MFSD11: variants seen among roughly 807,000 people sequenced by gnomAD.
MFSD11 encodes the protein major facilitator superfamily domain containing 11, also known as UNC93-like protein MFSD11.
A neutral mutation model predicts 53.5 loss-of-function variants in MFSD11; 36 were observed. The ratio of observed to expected loss-of-function variants is 0.67; its 90% CI spans 0.52 to 0.89. The LOEUF is 0.89. Ranked by LOEUF, MFSD11 falls within the 40% of genes least tolerant of loss-of-function variation. The pLI, the probability that MFSD11 is intolerant of heterozygous loss-of-function variation, is 0.00. For missense variants in MFSD11, 530 were observed against 543.9 expected, an observed-to-expected ratio of 0.97 and a Z score of 0.25; for synonymous variants, 186 against 184.9, an observed-to-expected ratio of 1.01 and a Z score of -0.05.
chr17:76,746,861 A>G (rs990161519), intron 7 of MFSD11, among the ~76,000 whole-genome samples: 1 of 152,124 alleles, frequency 6.6e-6, no homozygotes, highest in Non-Finnish European at 1.5e-5. Context: ...TGTTGTTTTC[A>G]TGCCTTCTAA....
At chr17:76,737,255 C>T, upstream of MFSD11, 1 of 1,439,566 alleles carries the variant, frequency 6.9e-7, no homozygotes, top group Non-Finnish European at 9.2e-7. Context: ...TTGCCTTCCG[C>T]GTGGGGACAC....
chr17:76,736,726 G>A (rs1036126519), upstream of MFSD11: 27 of 1,364,474 alleles, frequency 2.0e-5, no homozygotes, highest in East Asian at 3.8e-4. Context: ...GCTTCGCCGC[G>A]GACCTTTGTG....
chr17:76,740,822 C>A, intron 2 of MFSD11, 135 bp from the exon 3 acceptor site: 1 of 609,564 alleles, frequency 1.6e-6, no homozygotes, highest in African/African-American at 1.9e-5. Flanking sequence ...AATGATATAA[C>A]TATCATAAAT....
At chr17:76,760,171 G>A (rs749932075) in intron 8 of MFSD11, among the ~76,000 whole-genome samples, 10 of 151,662 alleles carry the variant, frequency 6.6e-5, no homozygotes, top group Non-Finnish European at 1.5e-4. Flanking sequence ...GGGAGGCTGA[G>A]GCAGGAGAAT....
At chr17:76,790,614 G>T in the MFSD11 span, among the ~76,000 whole-genome samples, 1 of 141,742 alleles carries the variant, frequency 7.1e-6, no homozygotes, top group East Asian at 2.3e-4. Context: ...CACCGTGCCC[G>T]GCCTAAAACT....
chr17:76,738,528 C>A, intron 1 of MFSD11, 80 bp downstream of exon 1: 1 of 976,598 alleles, frequency 1.0e-6, no homozygotes, highest in Non-Finnish European at 1.6e-6. Flanking sequence ...TTCATTATAT[C>A]TAATAGCGCG....
chr17:76,737,363 A>G (rs964073322), upstream of MFSD11: 1 of 598,418 alleles, frequency 1.7e-6, no homozygotes, highest in Non-Finnish European at 2.7e-6. Context: ...GCCCGTTTAT[A>G]TCGCTCCTCA....
In MFSD11 at chr17:76,775,046, TC is replaced by T. The variant is rs2081692513; in HGVS notation, c.926del (p.Pro309GlnfsTer12). On this transcript the variant is annotated frameshift_variant, in exon 11 of 13. Transcript: ENST00000685175. LOFTEE classifies it high-confidence loss of function. ...LSKNNRFGRN[P>X]VVLLGILVHF... is the part of the protein sequence containing the mutation. ...GCAAGAACAATCGTTTTGGTAGAAA[TC>T]CAGTTGTGCTGTTGGGCATCCTGGT... The T allele has an allele frequency of 6.2e-7, 1 of 1,613,976 alleles. No individual in the cohort carries two copies. The highest frequency in any genetic ancestry group is 8.5e-7 in the Non-Finnish European group (1 of 1,179,976).
upstream of MFSD11, chr17:76,737,274 G>A: frequency 1.4e-6 from 2 of 1,392,614 alleles, no homozygotes; most frequent in Non-Finnish European, 1.9e-6. Context: ...ACTGGGAAAG[G>A]CCTTGCCGCA....
chr17:76,737,365 C>T (rs1180785557), upstream of MFSD11: 8 of 589,824 alleles, frequency 1.4e-5, no homozygotes, highest in Non-Finnish European at 1.9e-5. Context: ...CCGTTTATAT[C>T]GCTCCTCACA....
chr17:76,737,392 A>T (rs2077572214), upstream of MFSD11: 2 of 487,506 alleles, frequency 4.1e-6, no homozygotes, highest in Non-Finnish European at 7.1e-6. Flanking sequence ...CGCCCGCGCC[A>T]CCCGGAAATG....
At chr17:76,773,782 A>AT (rs1171475148) in intron 10 of MFSD11, among the ~76,000 whole-genome samples, 1 of 151,786 alleles carries the variant, frequency 6.6e-6, no homozygotes, top group Non-Finnish European at 1.5e-5. Context: ...TAATTTTTGT[A>AT]TTTTTAGTAG....
intron 7 of MFSD11, among the ~76,000 whole-genome samples, chr17:76,745,099 T>C (rs1378837447): frequency 6.6e-6 from 1 of 152,236 alleles, no homozygotes; most frequent in Admixed American, 6.5e-5. Flanking sequence ...TGATCTGCAG[T>C]ATCATTTAGA....
intron 10 of MFSD11, among the ~76,000 whole-genome samples, chr17:76,772,580 C>T (rs1269937077): frequency 6.8e-6 from 1 of 146,510 alleles, no homozygotes; most frequent in Non-Finnish European, 1.5e-5. Context: ...TGCAGTGGCT[C>T]GATCTTGGCT....
At chr17:76,803,381 C>A in the MFSD11 span, among the ~76,000 whole-genome samples, 2 of 152,146 alleles carry the variant, frequency 1.3e-5, no homozygotes, top group Non-Finnish European at 2.9e-5. Context: ...AGCCCTTTAC[C>A]AAAACAAAGT....
chr17:76,746,382 A>C lies in MFSD11; in HGVS notation c.641+1916A>C, dbSNP rs2078543121. ...GTGAAACAGCAAGTGCTGCTGGAGA[A>C]GCTGCAGCAAGTTATCCAGAAGATC... On this transcript the variant is annotated intron_variant, in intron 7 of 12. Transcript: ENST00000685175. Among the ~76,000 whole-genome samples the C allele has an allele frequency of 2.0e-5, 3 of 152,268 alleles. No homozygotes were observed. The South Asian group carries it at 6.2e-4, about 31-fold the overall frequency.
intron 8 of MFSD11, among the ~76,000 whole-genome samples, chr17:76,759,351 C>G (rs1382556784): frequency 6.6e-6 from 1 of 152,010 alleles, no homozygotes; most frequent in African/African-American, 2.4e-5. Flanking sequence ...GGTTCTATCT[C>G]AGCTCACTAC....
At chr17:76,791,327 C>G in the MFSD11 span, among the ~76,000 whole-genome samples, 4 of 149,194 alleles carry the variant, frequency 2.7e-5, no homozygotes, top group African/African-American at 1.0e-4. Flanking sequence ...GGTCCTCTTT[C>G]TTTTACTTCC....
rs761949788 is a variant in MFSD11, at chr17:76,738,934, A to G, written c.97-4A>G. 8 of 1,613,846 alleles carry G rather than the reference A, an allele frequency of 5.0e-6. No individual in the cohort carries two copies. The highest frequency in any genetic ancestry group is 6.8e-6 in the Non-Finnish European group (8 of 1,179,688). ...TTCGTTGATTAGTTTTATCTTCCAC[A>G]CAGCAAACTGTCATCAGGAGCTTAA... On this transcript the variant is annotated splice_region_variant and splice_polypyrimidine_tract_variant and intron_variant, in intron 1 of 12. Coordinates refer to ENST00000685175, the MANE Select transcript of MFSD11 (RefSeq NM_001242532.5).
Sources: gnomAD v4.1 joint callset for allele counts (sites outside exome capture counted in the v4.1 genomes callset) on GRCh38, gnomAD v4.1.1 for gene constraint, MANE v1.5 for transcripts, NCBI Gene and HGNC (gene_info 2026-07-23, HGNC 2026-07-21) for gene names.